The following SLC36A1 variants were observed in gnomAD, a reference collection of about 807,000 sequenced individuals.
SLC36A1 encodes the protein proton-coupled amino acid transporter 1.
A neutral mutation model predicts 47.5 loss-of-function variants in SLC36A1; 30 were observed. The observed-to-expected ratio is 0.63, with a 90% CI of 0.47 to 0.86. The LOEUF is 0.86. Ranked by LOEUF, SLC36A1 falls within the 40% of genes least tolerant of loss-of-function variation. The pLI is 0.00. For synonymous variants in SLC36A1, 255 were observed against 249.7 expected, an observed-to-expected ratio of 1.02 and a Z score of -0.20; for missense variants, 517 against 606.0, an observed-to-expected ratio of 0.85 and a Z score of 1.54.
At chr5:151,373,399 C>G in the SLC36A1 span, among the ~76,000 whole-genome samples, 2 of 151,900 alleles carry the variant, frequency 1.3e-5, no homozygotes, top group Non-Finnish European at 2.9e-5. Flanking sequence ...TTGAAAGCAG[C>G]CAAGGGAAAA....
chr5:151,457,956 C>G (rs1224776495), intron 1 of SLC36A1, among the ~76,000 whole-genome samples: 2 of 151,580 alleles, frequency 1.3e-5, no homozygotes, highest in East Asian at 1.9e-4. Flanking sequence ...TCAAGCGATT[C>G]TCCTGCCTCA....
chr5:151,345,889 G>T, the SLC36A1 span, among the ~76,000 whole-genome samples: 1 of 152,102 alleles, frequency 6.6e-6, no homozygotes, highest in South Asian at 2.1e-4. Context: ...ACTGTGTCTG[G>T]GGTATTTATG....
chr5:151,444,951 G>A (rs544264747), upstream of SLC36A1, among the ~76,000 whole-genome samples: 4 of 151,676 alleles, frequency 2.6e-5, no homozygotes, highest in South Asian at 2.1e-4. Context: ...TGCTTTTTTG[G>A]CTGATTGCTC....
chr5:151,356,548 G>C, the SLC36A1 span, among the ~76,000 whole-genome samples: 3 of 152,122 alleles, frequency 2.0e-5, no homozygotes, highest in South Asian at 6.2e-4. Flanking sequence ...GTCTCTGGTG[G>C]CTGAATCTTC....
chr5:151,423,622 CA>C, the SLC36A1 span, among the ~76,000 whole-genome samples: 3 of 152,076 alleles, frequency 2.0e-5, no homozygotes, highest in Non-Finnish European at 4.4e-5. Context: ...CAGTGGTGGC[CA>C]GGGGTTGTGG....
chr5:151,488,855 C>G lies in SLC36A1; in HGVS notation c.*601C>G, dbSNP rs1057512799. The G allele has an allele frequency of 6.4e-5, 10 of 155,668 alleles. No homozygotes were observed. Among genetic ancestry groups the G allele is most frequent in the African/African-American group, 2.4e-4 (10 of 41,464 alleles). The allele number at this position is 155,668 out of a possible 1,614,324, so 9.6% of individuals were successfully genotyped here. ...TGCTGTGACCCCTAAGGCAATGCTTCTCTTCCCTGGATTCCTTAGTGTGGG... is the reference window on the plus strand; with the variant it reads ...TGCTGTGACCCCTAAGGCAATGCTTGTCTTCCCTGGATTCCTTAGTGTGGG... On this transcript the variant is annotated 3_prime_UTR_variant, in exon 11 of 11. Coordinates refer to ENST00000243389, the MANE Select transcript of SLC36A1 (RefSeq NM_078483.4).
the SLC36A1 span, among the ~76,000 whole-genome samples, chr5:151,389,353 A>G: frequency 1.3e-5 from 2 of 152,074 alleles, no homozygotes; most frequent in African/African-American, 2.4e-5. Flanking sequence ...TGAGGCTCCT[A>G]TAATGCCTCC....
the SLC36A1 span, among the ~76,000 whole-genome samples, chr5:151,521,055 T>TA: frequency 1.3e-5 from 2 of 152,238 alleles, no homozygotes; most frequent in African/African-American, 2.4e-5. Context: ...ATTGTAGTCT[T>TA]ACTGTTATTT....
At chr5:151,536,023 T>C in the SLC36A1 span, among the ~76,000 whole-genome samples, 2 of 152,162 alleles carry the variant, frequency 1.3e-5, no homozygotes, top group African/African-American at 4.8e-5. Flanking sequence ...GAAAAGCAAG[T>C]TACAAATAGT....
At chr5:151,463,337 A>ACT (rs1755837653) in intron 2 of SLC36A1, among the ~76,000 whole-genome samples, 1 of 152,212 alleles carries the variant, frequency 6.6e-6, no homozygotes, top group Non-Finnish European at 1.5e-5. Flanking sequence ...AGCACAGTGG[A>ACT]TAAGAGGGGG....
At chr5:151,425,964 CTCTATCTATCTATCTA>C in the SLC36A1 span, among the ~76,000 whole-genome samples, 52 of 148,168 alleles carry the variant, frequency 3.5e-4, no homozygotes, top group Non-Finnish European at 6.1e-4. Flanking sequence ...CTCTCTCTCC[CTCTATCTATCTATCTA>C]TCTATCTATC....
the SLC36A1 span, chr5:151,544,088 C>A: frequency 6.2e-7 from 1 of 1,614,222 alleles, no homozygotes; most frequent in Non-Finnish European, 8.5e-7. Flanking sequence ...CTGACTTTCA[C>A]ATGAAAGTGT....
chr5:151,523,802 A>G, the SLC36A1 span, among the ~76,000 whole-genome samples: 1 of 152,110 alleles, frequency 6.6e-6, no homozygotes, highest in African/African-American at 2.4e-5. Flanking sequence ...CTCACAAACA[A>G]CTGGGAAATA....
chr5:151,368,648 C>A, the SLC36A1 span, among the ~76,000 whole-genome samples: 2 of 152,160 alleles, frequency 1.3e-5, no homozygotes, highest in East Asian at 3.8e-4. Flanking sequence ...TTTGGTTGTC[C>A]TCTGTTGCCA....
chr5:151,552,926 T>G, the SLC36A1 span, among the ~76,000 whole-genome samples: 1 of 152,324 alleles, frequency 6.6e-6, no homozygotes, highest in African/African-American at 2.4e-5. Context: ...TTGGGGTAAC[T>G]GAGGCACTGC....
chr5:151,521,170 A>T, the SLC36A1 span: 1 of 1,252,460 alleles, frequency 8.0e-7, no homozygotes, highest in Non-Finnish European at 1.1e-6. Flanking sequence ...GCTTATTAAA[A>T]CTTCCCTGAA....
At chr5:151,500,460 T>C in the SLC36A1 span, among the ~76,000 whole-genome samples, 1 of 152,192 alleles carries the variant, frequency 6.6e-6, no homozygotes, top group South Asian at 2.1e-4. Flanking sequence ...CTCCGTCTCC[T>C]GGGTTCAAGT....
At chr5:151,376,993 A>G in the SLC36A1 span, among the ~76,000 whole-genome samples, 4 of 152,170 alleles carry the variant, frequency 2.6e-5, no homozygotes, top group Admixed American at 6.5e-5. Context: ...TAAGGGACAT[A>G]TGGTTTAATT....
intron 1 of SLC36A1, among the ~76,000 whole-genome samples, chr5:151,452,661 G>A (rs1171928706): frequency 1.3e-5 from 2 of 152,168 alleles, no homozygotes; most frequent in African/African-American, 4.8e-5. Flanking sequence ...TTGAGGTCAA[G>A]AGTTTGAGAC....
Sources: allele counts gnomAD v4.1 joint callset (sites outside exome capture counted in the v4.1 genomes callset), GRCh38; gene constraint gnomAD v4.1.1; transcripts MANE v1.5; gene names NCBI Gene and HGNC (gene_info 2026-07-23, HGNC 2026-07-21).